The following BAMBI variants were observed in gnomAD, a reference collection of about 807,000 sequenced individuals.
BAMBI encodes BMP and activin membrane-bound inhibitor homolog.
BAMBI carries 21 observed loss-of-function variants against 24.1 expected under a neutral mutation model. That is an observed-to-expected ratio of 0.87 (90% CI 0.62 to 1.26). The LOEUF (loss-of-function observed/expected upper bound fraction) is 1.26. Ranked by LOEUF, BAMBI falls within the 50% of genes most tolerant of loss-of-function variation. BAMBI has a pLI of 0.00. For missense variants in BAMBI, 388 were observed against 329.1 expected, an observed-to-expected ratio of 1.18 and a Z score of -1.38; for synonymous variants, 156 against 123.1, an observed-to-expected ratio of 1.27 and a Z score of -1.77.
Position 28,677,640 on chromosome 10 carries a change from C to T in BAMBI, c.-258C>T, listed in dbSNP as rs1374491790. ...CCGGGAGCCCACTCCCGACCCGGGGCTAGCGTGCGTCCCTAGAGTCGAGCG... is the reference window on the plus strand; with the variant it reads ...CCGGGAGCCCACTCCCGACCCGGGGTTAGCGTGCGTCCCTAGAGTCGAGCG... On this transcript the variant is annotated 5_prime_UTR_variant, in exon 1 of 3. Transcript: ENST00000375533. The T allele has an allele frequency of 1.7e-5, 4 of 241,248 alleles. No homozygotes were observed. Among genetic ancestry groups the T allele is most frequent in the Admixed American group, 5.6e-5 (1 of 17,786 alleles). The allele number at this position is 241,248 out of a possible 1,614,324, so 14.9% of individuals were successfully genotyped here.
intron 1 of BAMBI, among the ~76,000 whole-genome samples, chr10:28,678,374 T>A (rs939641011): frequency 6.6e-6 from 1 of 152,176 alleles, no homozygotes; most frequent in Non-Finnish European, 1.5e-5. Flanking sequence ...TTTCTGTGAG[T>A]GTGTCTCTGA....
At chr10:28,679,542 A>AT (rs1564438934) in intron 1 of BAMBI, among the ~76,000 whole-genome samples, 2 of 151,830 alleles carry the variant, frequency 1.3e-5, no homozygotes. Flanking sequence ...TAAAAAAAAA[A>AT]GGTAGTTAGA....
rs1834449452 is a variant in BAMBI, at chr10:28,677,615, C to T, written c.-283C>T. On this transcript the variant is annotated 5_prime_UTR_variant, in exon 1 of 3. Transcript: ENST00000375533. ...AACGGCCGCTAGCGGGGACTGAAGG[C>T]CGGGAGCCCACTCCCGACCCGGGGC... 1 of 223,444 alleles carries T rather than the reference C, an allele frequency of 4.5e-6. No individual in the cohort carries two copies. The highest frequency in any genetic ancestry group is 8.7e-6 in the Non-Finnish European group (1 of 115,454). 13.8% of individuals were successfully genotyped at this position (223,444 alleles called of 1,614,324 possible).
Position 28,678,933 on chromosome 10 carries a change from G to C in BAMBI, c.76+960G>C, listed in dbSNP as rs747035208. ...ATTTCAAGGTTCTCCTCACCTCCCTGCTGTGAAATCTACCTACTGTTCTGT... is the reference window on the plus strand; with the variant it reads ...ATTTCAAGGTTCTCCTCACCTCCCTCCTGTGAAATCTACCTACTGTTCTGT... On this transcript the variant is annotated intron_variant, in intron 1 of 2. Coordinates refer to ENST00000375533, the MANE Select transcript of BAMBI (RefSeq NM_012342.3). 4.6e-5 allele frequency among the ~76,000 whole-genome samples: 7 copies of C among 152,036 alleles called. No individual in the cohort carries two copies. The East Asian group carries it at 1.4e-3, about 29-fold the overall frequency.
chr10:28,678,104 T>C, intron 1 of BAMBI, 131 bp downstream of exon 1: 1 of 798,888 alleles, frequency 1.3e-6, no homozygotes, highest in Non-Finnish European at 1.8e-6. Context: ...GACAAGTTGC[T>C]GTGTTCTTAG....
At chr10:28,678,002 G>T in intron 1 of BAMBI, 29 bp downstream of exon 1, 1 of 1,502,718 alleles carries the variant, frequency 6.7e-7, no homozygotes, top group Non-Finnish European at 8.9e-7. Flanking sequence ...CGGGGCCCGG[G>T]GTCCCGTCCT....
At position 28,681,502 on chromosome 10, in the gene BAMBI, A is replaced by AGG. The variant is rs757294027; in HGVS notation, c.323_324dup (p.Leu109GlyfsTer35). 1.2e-6 allele frequency: 2 copies of AGG among 1,614,182 alleles called. No homozygotes were observed. Among genetic ancestry groups the AGG allele is most frequent in the South Asian group, 2.2e-5 (2 of 91,080 alleles). ...GTCATGAAGACATGTGCAATTACAG[A>AGG]GGGCTGCACGATGTTCTCTCTCCTC... On this transcript the variant is annotated frameshift_variant, in exon 2 of 3. Transcript: ENST00000375533. LOFTEE classifies it high-confidence loss of function.
chr10:28,677,570 A>C lies in BAMBI; in HGVS notation c.-328A>C, dbSNP rs1196841639. On this transcript the variant is annotated 5_prime_UTR_variant, in exon 1 of 3. Transcript: ENST00000375533. ...GCGGATACCCTTGCGTGCTGTGGAG[A>C]CCCTACTCTCTTCGCTGAGAACGGC... 5.6e-6 allele frequency: 1 copy of C among 179,852 alleles called. No individual in the cohort carries two copies. The allele number at this position is 179,852 out of a possible 1,614,324, so 11.1% of individuals were successfully genotyped here.
Position 28,679,532 on chromosome 10 carries a change from TAAA to T in BAMBI, c.76+1567_76+1569del, listed in dbSNP as rs59827158. Among the ~76,000 whole-genome samples, 10 of 148,628 alleles carry T rather than the reference TAAA, an allele frequency of 6.7e-5. No homozygotes were observed. In the East Asian group the frequency reaches 1.2e-3, roughly 17 times the overall value. On this transcript the variant is annotated intron_variant, in intron 1 of 2. Coordinates refer to ENST00000375533, the MANE Select transcript of BAMBI (RefSeq NM_012342.3). ...TCCTTGCTTAAAATGTGGCTCCAAT[TAAA>T]AAAAAAAGGTAGTTAGAACTTTCCC...
rs1588642567 is a variant in BAMBI, at chr10:28,677,957, C to T, written c.60C>T (p.Ala20=). ...TGCAGCTGGAGCTCTGCGCCATGGC[C>T]GTGCTGCTCACCAAAGGTGGGTGCC... The part of the protein sequence containing the change: ...IWLQLELCAM[A]VLLTKGEIRC... The change falls in exon 1 of 3, where the codon GCC becomes GCT. Residue 20 remains alanine, a synonymous_variant. Transcript: ENST00000375533. 2.0e-6 allele frequency: 3 copies of T among 1,529,922 alleles called. No individual in the cohort carries two copies. The highest frequency in any genetic ancestry group is 2.6e-6 in the Non-Finnish European group (3 of 1,144,690). The allele number at this position is 1,529,922 out of a possible 1,614,324, so 94.8% of individuals were successfully genotyped here. A position where few individuals can be genotyped will look rare whatever the true frequency, so the allele number is the denominator to read the frequency against.
chr10:28,678,246 C>G (rs1031121019), intron 1 of BAMBI, among the ~76,000 whole-genome samples: 1 of 152,202 alleles, frequency 6.6e-6, no homozygotes, highest in Non-Finnish European at 1.5e-5. Context: ...GCCGGAGTCT[C>G]GGCCTCGACG....
intron 1 of BAMBI, among the ~76,000 whole-genome samples, chr10:28,680,455 A>C (rs1834485605): frequency 6.6e-6 from 1 of 152,168 alleles, no homozygotes; most frequent in Non-Finnish European, 1.5e-5. Context: ...GAGGATTTTC[A>C]GTTTCAGTGT....
Position 28,677,980 on chromosome 10 carries a change from G to A in BAMBI, c.76+7G>A, listed in dbSNP as rs1035597650. 3 of 1,515,630 alleles carry A rather than the reference G, an allele frequency of 2.0e-6. No individual in the cohort carries two copies. Among genetic ancestry groups the A allele is most frequent in the Admixed American group, 2.0e-5 (1 of 50,282 alleles). 93.9% of individuals were successfully genotyped at this position (1,515,630 alleles called of 1,614,324 possible). On this transcript the variant is annotated splice_region_variant and intron_variant, in intron 1 of 2. Coordinates refer to ENST00000375533, the MANE Select transcript of BAMBI (RefSeq NM_012342.3). ...GCCGTGCTGCTCACCAAAGGTGGGTGCCGGGGGCGCACGGGGCCCGGGGTC... is the reference window on the plus strand; with the variant it reads ...GCCGTGCTGCTCACCAAAGGTGGGTACCGGGGGCGCACGGGGCCCGGGGTC...
Position 28,682,426 on chromosome 10 carries a change from A to G in BAMBI, c.*25A>G. 6.3e-7 allele frequency: 1 copy of G among 1,587,210 alleles called. No individual in the cohort carries two copies. The highest frequency in any genetic ancestry group is 1.1e-5 in the South Asian group (1 of 88,638). Reference sequence around the variant, plus strand: ...ACGGAGTCTTATCTGAACTACACTTACTGAACAGCTTGAAGGCCTTTTGAG... The same window carrying G: ...ACGGAGTCTTATCTGAACTACACTTGCTGAACAGCTTGAAGGCCTTTTGAG... On this transcript the variant is annotated 3_prime_UTR_variant, in exon 3 of 3. Transcript: ENST00000375533.
chr10:28,679,891 A>G (rs1356058347), intron 1 of BAMBI, among the ~76,000 whole-genome samples: 1 of 152,178 alleles, frequency 6.6e-6, no homozygotes, highest in Non-Finnish European at 1.5e-5. Context: ...CTTGGGCCCA[A>G]CCAGTGCAGA....
chr10:28,679,081 A>G (rs898320434), intron 1 of BAMBI, among the ~76,000 whole-genome samples: 4 of 152,222 alleles, frequency 2.6e-5, no homozygotes, highest in Non-Finnish European at 4.4e-5. Flanking sequence ...GATGTGCTAC[A>G]GTATTTATTT....
Position 28,682,518 on chromosome 10 carries a change from C to T in BAMBI, c.*117C>T. The T allele has an allele frequency of 3.4e-6, 3 of 891,586 alleles. No homozygotes were observed. The highest frequency in any genetic ancestry group is 1.8e-5 in the South Asian group (1 of 54,330). The allele number at this position is 891,586 out of a possible 1,614,324, so 55.2% of individuals were successfully genotyped here. A position where few individuals can be genotyped will look rare whatever the true frequency, so the allele number is the denominator to read the frequency against. ...TAATCATCTTTGAGAGACAAAATGA[C>T]CTCTGCAAACAGAATCTTGGATATT... is the stretch of plus-strand genomic sequence containing the variant. On this transcript the variant is annotated 3_prime_UTR_variant, in exon 3 of 3. Coordinates refer to ENST00000375533, the MANE Select transcript of BAMBI (RefSeq NM_012342.3).
chr10:28,681,956 T>G (rs771971106), intron 2 of BAMBI, 27 bp from the exon 3 acceptor site: 1 of 1,580,978 alleles, frequency 6.3e-7, no homozygotes, highest in Non-Finnish European at 8.6e-7. Flanking sequence ...AGCATGGAGT[T>G]TGATCATTTT....
In BAMBI at chr10:28,682,677, A is replaced by G. The variant is rs139792927; in HGVS notation, c.*276A>G. 135 of 320,396 alleles carry G rather than the reference A, an allele frequency of 4.2e-4. 1 individual carries two copies. Among genetic ancestry groups the G allele is most frequent in the African/African-American group, 2.7e-3 (127 of 47,602 alleles). 19.8% of individuals were successfully genotyped at this position (320,396 alleles called of 1,614,324 possible). On this transcript the variant is annotated 3_prime_UTR_variant, in exon 3 of 3. Coordinates refer to ENST00000375533, the MANE Select transcript of BAMBI (RefSeq NM_012342.3). ...TTTGCATCCAAGGGAGCTGGAATTG[A>G]GTACCTAAATAAACAAAAATGTGCC...
Sources: gnomAD v4.1 joint callset for allele counts (sites outside exome capture counted in the v4.1 genomes callset) on GRCh38, gnomAD v4.1.1 for gene constraint, MANE v1.5 for transcripts, NCBI Gene and HGNC (gene_info 2026-07-23, HGNC 2026-07-21) for gene names.